Variants in ERBB4 observed in about 807,000 individuals in gnomAD.
ERBB4 encodes the protein erb-b2 receptor tyrosine kinase 4, also known as receptor tyrosine-protein kinase erbB-4.
ERBB4 carries 42 observed loss-of-function variants against 158.0 expected under a neutral mutation model. That is an observed-to-expected ratio of 0.27 (90% CI 0.21 to 0.34). ERBB4 has a LOEUF of 0.34. Among genes scored for constraint, ERBB4 ranks in the 10% least tolerant of loss-of-function variants. The probability of loss-of-function intolerance (pLI) is 1.00; values close to 1 mark genes in which losing one functional copy is unlikely to be tolerated. For missense variants in ERBB4, 1,333 were observed against 1,624.1 expected (o/e 0.82, Z 3.08); for synonymous variants, 583 against 558.7 (o/e 1.04, Z -0.61).
intron 3 of ERBB4, among the ~76,000 whole-genome samples, chr2:211,881,013 A>G (rs765059034): frequency 6.6e-6 from 1 of 152,306 alleles, no homozygotes; most frequent in East Asian, 1.9e-4. Flanking sequence ...TTTCCACTCA[A>G]TGGGTGCCAA....
At chr2:212,384,192 G>A (rs1293287018) in intron 1 of ERBB4, among the ~76,000 whole-genome samples, 3 of 151,598 alleles carry the variant, frequency 2.0e-5, no homozygotes, top group Non-Finnish European at 4.4e-5. Flanking sequence ...GACAGCAATT[G>A]TGACCCTATC....
At chr2:211,693,231 C>CA (rs574322718) in intron 12 of ERBB4, among the ~76,000 whole-genome samples, 133 of 151,588 alleles carry the variant, frequency 8.8e-4, no homozygotes, top group African/African-American at 2.9e-3. Context: ...AGATATGTGT[C>CA]AAAAAAATAA....
intron 3 of ERBB4, among the ~76,000 whole-genome samples, chr2:211,835,520 T>C (rs1428004728): frequency 1.3e-5 from 2 of 152,154 alleles, no homozygotes; most frequent in African/African-American, 4.8e-5. Context: ...TTTTTTATTT[T>C]GAATGGTCCT....
intron 1 of ERBB4, among the ~76,000 whole-genome samples, chr2:212,315,868 C>A (rs1348427771): frequency 6.6e-6 from 1 of 151,382 alleles, no homozygotes; most frequent in Non-Finnish European, 1.5e-5. Context: ...CTAAAAGTAA[C>A]AATTGAACTC....
At chr2:212,077,056 T>C (rs1225024251) in intron 2 of ERBB4, among the ~76,000 whole-genome samples, 1 of 151,978 alleles carries the variant, frequency 6.6e-6, no homozygotes, top group East Asian at 1.9e-4. Flanking sequence ...TACAACCTAA[T>C]TATACATCAG....
At chr2:211,439,781 A>G (rs1574492416) in intron 20 of ERBB4, among the ~76,000 whole-genome samples, 1 of 152,240 alleles carries the variant, frequency 6.6e-6, no homozygotes, top group South Asian at 2.1e-4. Flanking sequence ...AATGCAATTT[A>G]AAATCTGCAA....
chr2:211,520,927 C>T (rs2066169438), intron 20 of ERBB4, among the ~76,000 whole-genome samples: 1 of 152,092 alleles, frequency 6.6e-6, no homozygotes, highest in South Asian at 2.1e-4. Flanking sequence ...CCATATAAGA[C>T]AATGAACTTA....
intron 3 of ERBB4, among the ~76,000 whole-genome samples, chr2:211,857,158 T>C (rs1575258259): frequency 7.3e-6 from 1 of 137,138 alleles, no homozygotes; most frequent in African/African-American, 2.5e-5. Flanking sequence ...TCTGTGTGTG[T>C]TTGTGTGTGT....
intron 20 of ERBB4, among the ~76,000 whole-genome samples, chr2:211,486,989 C>CT (rs1038936977): frequency 8.0e-5 from 12 of 150,820 alleles, no homozygotes; most frequent in Non-Finnish European, 1.2e-4. Flanking sequence ...ATGTTTTTTT[C>CT]TTTTTTTTGT....
intron 25 of ERBB4, among the ~76,000 whole-genome samples, chr2:211,391,559 A>T (rs569755548): frequency 2.0e-5 from 3 of 152,256 alleles, no homozygotes; most frequent in East Asian, 1.9e-4. Context: ...AGGGTGATGG[A>T]TGGAATGAGT....
intron 20 of ERBB4, among the ~76,000 whole-genome samples, chr2:211,509,532 C>T (rs2065837769): frequency 6.6e-6 from 1 of 151,904 alleles, no homozygotes; most frequent in Non-Finnish European, 1.5e-5. Context: ...TGGATATCAG[C>T]CTTGGCAAAG....
At chr2:212,348,087 A>G (rs1255288086) in intron 1 of ERBB4, among the ~76,000 whole-genome samples, 1 of 152,120 alleles carries the variant, frequency 6.6e-6, no homozygotes, top group African/African-American at 2.4e-5. Context: ...AAAGAAAATA[A>G]AATTTTTATT....
At chr2:211,681,411 A>G (rs920127739) in intron 12 of ERBB4, among the ~76,000 whole-genome samples, 4 of 152,172 alleles carry the variant, frequency 2.6e-5, no homozygotes, top group Admixed American at 2.6e-4. Context: ...TGGTAGGTAT[A>G]TGATTAACTT....
At chr2:212,086,695 C>T (rs1323602302) in intron 2 of ERBB4, among the ~76,000 whole-genome samples, 1 of 151,932 alleles carries the variant, frequency 6.6e-6, no homozygotes, top group Non-Finnish European at 1.5e-5. Flanking sequence ...AATAAAACTC[C>T]ACACTTTGTA....
chr2:211,465,081 T>C (rs1265326652), intron 20 of ERBB4, among the ~76,000 whole-genome samples: 1 of 151,818 alleles, frequency 6.6e-6, no homozygotes, highest in African/African-American at 2.4e-5. Flanking sequence ...TTCTGTACTT[T>C]AGTGATCCTC....
intron 2 of ERBB4, among the ~76,000 whole-genome samples, chr2:211,953,926 A>G (rs1377711299): frequency 6.6e-6 from 1 of 152,064 alleles, no homozygotes; most frequent in African/African-American, 2.4e-5. Flanking sequence ...TTCTAGAGAC[A>G]ATGTGAAATC....
Position 211,504,608 on chromosome 2 carries a change from A to T in ERBB4, c.2487+57295T>A, listed in dbSNP as rs746685350. ...ACTAGCTCTCTAGCAATGGATCCTA[A>T]CCAAAATGAAAACTTCAAAAAGACA... On this transcript the variant is annotated intron_variant, in intron 20 of 27. Transcript: ENST00000342788. 5.4e-4 allele frequency among the ~76,000 whole-genome samples: 82 copies of T among 152,160 alleles called. 1 individual carries two copies. The highest frequency in any genetic ancestry group is 1.4e-3 in the Admixed American group (22 of 15,280).
chr2:211,981,664 C>A (rs1178387312), intron 2 of ERBB4, among the ~76,000 whole-genome samples: 1 of 152,180 alleles, frequency 6.6e-6, no homozygotes, highest in African/African-American at 2.4e-5. Context: ...ACCCTCACAT[C>A]ACTTCTAGCA....
At chr2:212,371,110 C>T (rs2090069963) in intron 1 of ERBB4, among the ~76,000 whole-genome samples, 1 of 152,144 alleles carries the variant, frequency 6.6e-6, no homozygotes. Flanking sequence ...TACCATCCTC[C>T]AGATTTTTAC....
Sources: allele counts gnomAD v4.1 joint callset (sites outside exome capture counted in the v4.1 genomes callset), GRCh38; gene constraint gnomAD v4.1.1; transcripts MANE v1.5; gene names NCBI Gene and HGNC (gene_info 2026-07-23, HGNC 2026-07-21).